GPALPP1: variants seen among roughly 807,000 people sequenced by gnomAD.
GPALPP1 encodes GPALPP motifs containing 1.
In GPALPP1, 30 loss-of-function variants were observed where a neutral mutation model predicts 38.9. The ratio of observed to expected loss-of-function variants is 0.77; its 90% confidence interval spans 0.58 to 1.05. The LOEUF is 1.05. Among genes scored for constraint, GPALPP1 ranks in the 50% least tolerant of loss-of-function variants. The pLI is 0.00. For missense variants in GPALPP1, 384 were observed against 408.8 expected (o/e 0.94, Z 0.52); for synonymous variants, 120 against 139.2 (o/e 0.86, Z 0.97).
intron 1 of GPALPP1, chr13:44,990,093 A>G (rs974305678): frequency 2.2e-5 from 11 of 491,228 alleles, no homozygotes; most frequent in Admixed American, 1.5e-4. Flanking sequence ...AGCCCATGCC[A>G]GTGTCTAGAT....
intron 6 of GPALPP1, among the ~76,000 whole-genome samples, chr13:45,017,783 G>A (rs1202215870): frequency 2.0e-5 from 3 of 152,236 alleles, no homozygotes; most frequent in East Asian, 3.9e-4. Flanking sequence ...ATTCTTTTCT[G>A]TGCTGAAATG....
At chr13:45,011,839 A>G (rs1397138900) in intron 4 of GPALPP1, among the ~76,000 whole-genome samples, 1 of 152,196 alleles carries the variant, frequency 6.6e-6, no homozygotes, top group Non-Finnish European at 1.5e-5. Context: ...CTTTCTAACA[A>G]GGGCGTTGAA....
chr13:45,020,565 G>T, intron 7 of GPALPP1, 137 bp downstream of exon 7: 6 of 468,304 alleles, frequency 1.3e-5, no homozygotes, highest in Middle Eastern at 6.2e-4. Context: ...GCAAGACCTT[G>T]TTTCTAAAAA....
chr13:45,009,145 G>C (rs1190146731), intron 4 of GPALPP1: 2 of 503,924 alleles, frequency 4.0e-6, no homozygotes, highest in African/African-American at 3.9e-5. Context: ...TTTGAAGGGG[G>C]ACTTTAAGGT....
At chr13:45,004,181 A>G (rs1034008278) in intron 1 of GPALPP1, 124 bp from the exon 2 acceptor site, 7 of 743,760 alleles carry the variant, frequency 9.4e-6, no homozygotes, top group Non-Finnish European at 1.6e-5. Context: ...ATTGAGATTA[A>G]AGTGAATAAT....
chr13:45,027,488 G>A (rs183544463), intron 7 of GPALPP1, among the ~76,000 whole-genome samples: 9 of 151,816 alleles, frequency 5.9e-5, no homozygotes, highest in African/African-American at 1.4e-4. Flanking sequence ...CTTCCTATCC[G>A]TCCATTTAGC....
In GPALPP1 at chr13:45,004,393, A is replaced by G; in HGVS notation, c.177A>G (p.Glu59=). ...AAGACAGTAGTTCTTTGTACGAAGA[A>G]GGAAATCAAGAATCTGAAGAAGATG... The part of the protein sequence containing the change: ...SDEDSSSLYE[E]GNQESEEDDS... The change falls in exon 2 of 8, where the codon GAA becomes GAG. Residue 59 remains glutamate, a synonymous_variant. Transcript: ENST00000379151. The G allele has an allele frequency of 6.2e-7, 1 of 1,609,684 alleles. No homozygotes were observed.
Position 45,029,382 on chromosome 13 carries a change from T to G in GPALPP1, c.*1379T>G, listed in dbSNP as rs1876071225. 6.6e-6 allele frequency: 1 copy of G among 152,202 alleles called. No homozygotes were observed. The highest frequency in any genetic ancestry group is 1.5e-5 in the Non-Finnish European group (1 of 68,034). The allele number at this position is 152,202 out of a possible 1,614,324, so 9.4% of individuals were successfully genotyped here. A position where few individuals can be genotyped will look rare whatever the true frequency, so the allele number is the denominator to read the frequency against. ...CCTTGTTCTGTATGTCCTTTTAAGGTCATGTGGAAACATAAAACGAATGTT... is the reference window on the plus strand; with the variant it reads ...CCTTGTTCTGTATGTCCTTTTAAGGGCATGTGGAAACATAAAACGAATGTT... On this transcript the variant is annotated 3_prime_UTR_variant, in exon 8 of 8. Transcript: ENST00000379151.
chr13:45,025,712 C>A (rs1355313973), intron 7 of GPALPP1, among the ~76,000 whole-genome samples: 3 of 151,804 alleles, frequency 2.0e-5, no homozygotes, highest in Non-Finnish European at 4.4e-5. Flanking sequence ...CATTGCAATG[C>A]AGATTTTTCT....
chr13:45,006,143 G>A (rs918105388), intron 2 of GPALPP1, 59 bp from the exon 3 acceptor site: 4 of 863,982 alleles, frequency 4.6e-6, no homozygotes, highest in African/African-American at 3.4e-5. Context: ...AAATTAAAAT[G>A]TGCTTTTGTG....
intron 4 of GPALPP1, among the ~76,000 whole-genome samples, chr13:45,013,666 C>T (rs924077992): frequency 1.3e-5 from 2 of 152,138 alleles, no homozygotes; most frequent in Admixed American, 1.3e-4. Flanking sequence ...ATGCAGGCTT[C>T]TCTTGGCAAT....
intron 3 of GPALPP1, among the ~76,000 whole-genome samples, chr13:45,006,607 C>G (rs1405383457): frequency 6.6e-6 from 1 of 152,180 alleles, no homozygotes; most frequent in African/African-American, 2.4e-5. Context: ...AGGTCACACA[C>G]ATAGTAGCAG....
intron 7 of GPALPP1, among the ~76,000 whole-genome samples, chr13:45,020,668 C>G (rs1339604713): frequency 1.3e-5 from 2 of 150,634 alleles, no homozygotes; most frequent in African/African-American, 2.4e-5. Context: ...AAGCCAGAAG[C>G]AAAATATATA....
intron 1 of GPALPP1, among the ~76,000 whole-genome samples, chr13:44,992,620 A>G (rs776388276): frequency 6.6e-6 from 1 of 152,192 alleles, no homozygotes; most frequent in Non-Finnish European, 1.5e-5. Flanking sequence ...TTTGCAATTC[A>G]TCTGGAATTG....
At chr13:44,995,205 C>CT (rs1873178135) in intron 1 of GPALPP1, among the ~76,000 whole-genome samples, 1 of 36,726 alleles carries the variant, frequency 2.7e-5, no homozygotes, top group African/African-American at 4.9e-5. Flanking sequence ...CACACACACC[C>CT]CTTCTCTTTT....
intron 2 of GPALPP1, chr13:45,005,053 G>C (rs542035883): frequency 7.3e-6 from 1 of 136,704 alleles, no homozygotes; most frequent in African/African-American, 2.7e-5. Flanking sequence ...TATATATGCA[G>C]TGTATGTTTT....
chr13:44,989,713 C>T lies in GPALPP1; in HGVS notation c.59C>T (p.Ala20Val). The T allele has an allele frequency of 6.2e-7, 1 of 1,610,846 alleles. No homozygotes were observed. Among genetic ancestry groups the T allele is most frequent in the Non-Finnish European group, 8.5e-7 (1 of 1,179,760 alleles). Residue 20 changes from alanine to valine, a missense_variant, in exon 1 of 8, where the codon GCG (alanine) becomes GTG (valine). Coordinates refer to ENST00000379151, the MANE Select transcript of GPALPP1 (RefSeq NM_018559.5). ...LPPGFKARGT[A>V]EDEERDPSPV... ...CCCGGCTTCAAGGCCCGCGGAACAG[C>T]GGAGGACGAAGAGCGGGACCCGAGC...
downstream of GPALPP1, among the ~76,000 whole-genome samples, chr13:45,032,969 G>A (rs550134034): frequency 1.1e-3 from 164 of 151,508 alleles, no homozygotes; most frequent in Middle Eastern, 3.4e-3. Context: ...CCCAGGAGGC[G>A]GAGGTTGCAG....
chr13:45,004,597 G>C (rs1873941298), intron 2 of GPALPP1, among the ~76,000 whole-genome samples, 160 bp downstream of exon 2: 2 of 152,222 alleles, frequency 1.3e-5, no homozygotes, highest in South Asian at 4.1e-4. Context: ...CTTTTACAAA[G>C]AAATTTATTC....
Sources: gnomAD v4.1 joint callset for allele counts (sites outside exome capture counted in the v4.1 genomes callset) on GRCh38, gnomAD v4.1.1 for gene constraint, MANE v1.5 for transcripts, NCBI Gene and HGNC (gene_info 2026-07-23, HGNC 2026-07-21) for gene names.